RECQL5: variants seen among roughly 807,000 people sequenced by gnomAD.
The protein encoded by RECQL5 is ATP-dependent DNA helicase Q5.
A neutral mutation model predicts 103.4 loss-of-function variants in RECQL5; 88 were observed. The observed-to-expected ratio is 0.85, with a 90% confidence interval of 0.72 to 1.02. The LOEUF is 1.02. Among genes scored for constraint, RECQL5 ranks in the 50% least tolerant of loss-of-function variants. The pLI, the probability that RECQL5 is intolerant of heterozygous loss-of-function variation, is 0.00. For synonymous variants in RECQL5, 552 were observed against 507.9 expected (o/e 1.09, Z -1.17); for missense variants, 1,232 against 1,284.3 (o/e 0.96, Z 0.62).
intron 16 of RECQL5, 76 bp downstream of exon 16, chr17:75,628,858 G>A: frequency 6.3e-7 from 1 of 1,588,164 alleles, no homozygotes; most frequent in African/African-American, 1.4e-5. Context: ...TGAGCTCTGA[G>A]CTTCAGACGC....
chr17:75,630,151 C>G, intron 14 of RECQL5, 33 bp downstream of exon 14: 1 of 1,510,356 alleles, frequency 6.6e-7, no homozygotes, highest in Non-Finnish European at 8.9e-7. Flanking sequence ...GGGGCCCCTG[C>G]AACGACCCTG....
At chr17:75,637,057 C>T (rs1242952362) in intron 8 of RECQL5, 1 of 152,316 alleles carries the variant, frequency 6.6e-6, no homozygotes, top group Non-Finnish European at 1.5e-5. Context: ...AGCTCTCCCA[C>T]TTTGCAGCCC....
chr17:75,644,846 T>A (rs866326982), intron 8 of RECQL5, among the ~76,000 whole-genome samples: 2 of 124,796 alleles, frequency 1.6e-5, no homozygotes, highest in African/African-American at 3.0e-5. Context: ...AAAAAAAAAA[T>A]TATCCAATTG....
At chr17:75,645,716 T>A (rs1048793020) in intron 8 of RECQL5, among the ~76,000 whole-genome samples, 2 of 152,168 alleles carry the variant, frequency 1.3e-5, no homozygotes, top group African/African-American at 4.8e-5. Context: ...GTGACGCCCA[T>A]GATAGTTAAG....
At position 75,628,253 on chromosome 17, in the gene RECQL5, T is replaced by C; in HGVS notation, c.2770A>G (p.Thr924Ala). Reference protein sequence around the residue: ...EAANVVVKCLTPFYKEGKFAS... With the variant: ...EAANVVVKCLAPFYKEGKFAS... ...AACTTGCCCTCCTTGTAGAAAGGGG[T>C]GAGGCACTTGACCACAACATTTGCA... The change falls in exon 18 of 20, where the codon ACC becomes GCC. Residue 924 changes from threonine (T) to alanine (A), a missense_variant. Coordinates refer to ENST00000317905, the MANE Select transcript of RECQL5 (RefSeq NM_004259.7). The C allele has an allele frequency of 2.5e-6, 4 of 1,613,996 alleles. No individual in the cohort carries two copies. The highest frequency in any genetic ancestry group is 3.4e-6 in the Non-Finnish European group (4 of 1,180,008).
intron 7 of RECQL5, 45 bp downstream of exon 7, chr17:75,658,253 G>A: frequency 1.3e-6 from 2 of 1,580,422 alleles, no homozygotes; most frequent in Non-Finnish European, 1.7e-6. Flanking sequence ...CAAAACTGGA[G>A]AGTGGTGGGT....
In RECQL5 at chr17:75,640,947, T is replaced by C. The variant is rs1276033688; in HGVS notation, c.1230-9279A>G. On this transcript the variant is annotated intron_variant, in intron 8 of 19. Coordinates refer to ENST00000317905, the MANE Select transcript of RECQL5 (RefSeq NM_004259.7). The surrounding 1 kb of genome is among the most constrained non-coding windows in gnomAD (Gnocchi z 4.6). Reference sequence around the variant, plus strand: ...GCTGGAGAGGAGATGGCCAATGCCATGACACAGGCCATCAGCCTGGCCCTG... The same window carrying C: ...GCTGGAGAGGAGATGGCCAATGCCACGACACAGGCCATCAGCCTGGCCCTG... The C allele has an allele frequency of 1.5e-5, 23 of 1,531,878 alleles. 1 individual carries two copies. In the South Asian group the frequency reaches 2.5e-4, roughly 17 times the overall value. The allele number at this position is 1,531,878 out of a possible 1,614,324, so 94.9% of individuals were successfully genotyped here.
At chr17:75,633,955 T>C (rs537680984) in intron 8 of RECQL5, 2 of 985,544 alleles carry the variant, frequency 2.0e-6, no homozygotes, top group East Asian at 1.1e-4. Context: ...CACCGGGACA[T>C]GAAGTTGGAG....
intron 18 of RECQL5, 97 bp downstream of exon 18, chr17:75,628,108 GCTGGCCCTAGGCC>G: frequency 4.2e-6 from 4 of 959,468 alleles, no homozygotes; most frequent in Non-Finnish European, 6.4e-6. Flanking sequence ...CGGGCGTGGG[GCTGGCCCTAGGCC>G]CACTGTGTTC....
At chr17:75,630,498 GAGT>G (rs374674002) in intron 13 of RECQL5, 118 bp downstream of exon 13, 17 of 1,107,638 alleles carry the variant, frequency 1.5e-5, no homozygotes, top group Non-Finnish European at 2.2e-5. Context: ...CAGTCCCCTG[GAGT>G]AGGAGAGGTA....
At chr17:75,642,888 A>G (rs1355656032) in intron 8 of RECQL5, among the ~76,000 whole-genome samples, 1 of 152,240 alleles carries the variant, frequency 6.6e-6, no homozygotes, top group African/African-American at 2.4e-5. Context: ...CTGGCTCCAG[A>G]GCCTCTGCTT....
intron 8 of RECQL5, chr17:75,650,468 C>G: frequency 7.3e-7 from 1 of 1,364,882 alleles, no homozygotes; most frequent in Non-Finnish European, 9.5e-7. Context: ...TGGCCTCAGT[C>G]TACCATGAGC....
Position 75,631,739 on chromosome 17 carries a change from G to A in RECQL5, c.1230-71C>T, listed in dbSNP as rs546046594. 523 of 1,489,808 alleles carry A rather than the reference G, an allele frequency of 3.5e-4. 4 individuals are homozygous for A. In the South Asian group the frequency reaches 5.3e-3, roughly 15 times the overall value. 92.3% of individuals were successfully genotyped at this position (1,489,808 alleles called of 1,614,324 possible). Reference sequence around the variant, plus strand: ...GGCCAGCGTCTGTTCACCCGAGCCTGAATCGCTAGCTGAGCGAGCACTGCC... The same window carrying A: ...GGCCAGCGTCTGTTCACCCGAGCCTAAATCGCTAGCTGAGCGAGCACTGCC... On this transcript the variant is annotated intron_variant, in intron 8 of 19. Transcript: ENST00000317905.
Position 75,631,145 on chromosome 17 carries a change from C to T in RECQL5, c.1548+5G>A. 6.2e-7 allele frequency: 1 copy of T among 1,613,664 alleles called. No individual in the cohort carries two copies. The highest frequency in any genetic ancestry group is 1.3e-5 in the African/African-American group (1 of 75,054). ...CCACACAGGCCACTGAGTGCCTCCC[C>T]TCACCTTGCGCAGCTGCATCTGCTT... On this transcript the variant is annotated splice_donor_5th_base_variant and intron_variant, in intron 10 of 19. Transcript: ENST00000317905.
intron 8 of RECQL5, chr17:75,639,184 G>A (rs552882693): frequency 2.0e-5 from 3 of 152,476 alleles, no homozygotes; most frequent in Non-Finnish European, 2.9e-5. Flanking sequence ...CCATCTCAGC[G>A]AGAACCGGCT....
chr17:75,630,196 G>A lies in RECQL5; in HGVS notation c.1800C>T (p.Ser600=), dbSNP rs896036302. ...GCACCAGGCCCACCTTCTTCAGCAC[G>A]CTGGCCTTGTAGAGGTTGGCCACCT... ...NAKVANLYKA[S]VLKKVADIHR... is the part of the protein sequence containing the mutation. The change falls in exon 14 of 20, where the codon AGC becomes AGT. Residue 600 remains serine, a synonymous_variant. Transcript: ENST00000317905. The A allele has an allele frequency of 9.7e-6, 15 of 1,552,544 alleles. No individual in the cohort carries two copies. The highest frequency in any genetic ancestry group is 2.0e-5 in the Admixed American group (1 of 50,912).
intron 4 of RECQL5, among the ~76,000 whole-genome samples, 173 bp from the exon 5 acceptor site, chr17:75,661,881 C>T (rs2059704387): frequency 6.6e-6 from 1 of 152,234 alleles, no homozygotes; most frequent in Non-Finnish European, 1.5e-5. Context: ...CAGGACCAGG[C>T]TGGATGCAAT....
chr17:75,639,845 C>T (rs1187910423), intron 8 of RECQL5: 2 of 197,076 alleles, frequency 1.0e-5, no homozygotes, highest in African/African-American at 2.3e-5. Context: ...TCCCAAGCAC[C>T]CAGGCAAAAC....
intron 8 of RECQL5, 38 bp from the exon 9 acceptor site, chr17:75,631,706 G>C: frequency 6.3e-7 from 1 of 1,591,348 alleles, no homozygotes; most frequent in South Asian, 1.1e-5. Flanking sequence ...GGGGCGGAGA[G>C]CCCAGTCGGC....
Sources: gnomAD v4.1 joint callset for allele counts (sites outside exome capture counted in the v4.1 genomes callset) on GRCh38, gnomAD v4.1.1 for gene constraint, Gnocchi (gnomAD v3.1) non-coding constraint, MANE v1.5 for transcripts, NCBI Gene and HGNC (gene_info 2026-07-23, HGNC 2026-07-21) for gene names.